The following TECTA variants were observed in gnomAD, a reference collection of about 807,000 sequenced individuals.
TECTA encodes alpha-tectorin.
A neutral mutation model predicts 216.8 loss-of-function variants in TECTA; 128 were observed. The ratio of observed to expected loss-of-function variants is 0.59; its 90% CI spans 0.51 to 0.68. The LOEUF (loss-of-function observed/expected upper bound fraction) is 0.68, where lower values mean the gene tolerates loss of function less well. TECTA is among the 30% of genes least tolerant of loss of function. TECTA has a pLI of 0.00. For missense variants in TECTA, 2,551 were observed against 2,786.2 expected (o/e 0.92, Z 1.90); for synonymous variants, 1,089 against 1,117.1 (o/e 0.97, Z 0.50).
intron 10 of TECTA, among the ~76,000 whole-genome samples, chr11:121,133,896 A>T (rs1448532386): frequency 6.6e-6 from 1 of 152,186 alleles, no homozygotes; most frequent in Non-Finnish European, 1.5e-5. Flanking sequence ...ATACTTTAAG[A>T]GTGTGCAAAT....
At chr11:121,122,572 ACACCTATAATCCCAG>A (rs1216073310) in intron 7 of TECTA, among the ~76,000 whole-genome samples, 2 of 150,214 alleles carry the variant, frequency 1.3e-5, no homozygotes, top group African/African-American at 4.9e-5. Context: ...ACGGCGTCTC[ACACCTATAATCCCAG>A]CACTTTTGGA....
At position 121,127,757 on chromosome 11, in the gene TECTA, A is replaced by G. The variant is rs772178943; in HGVS notation, c.1780A>G (p.Thr594Ala). Residue 594 changes from threonine to alanine, a missense_variant, in exon 9 of 24, where the codon ACA (threonine) becomes GCA (alanine). Thr to Ala is a moderately conservative substitution (Grantham distance 58). Transcript: ENST00000392793. This position sits in a 1 kb window ranked among gnomAD's most constrained non-coding sequence, Gnocchi z 5.0. ...DWRTQTGCVS[T>A]VQCPSFSHYS... is the part of the protein sequence containing the mutation. ...TCTTCCTTTCCCCGCGTCAGTGTCC[A>G]CAGTGCAGTGCCCGAGCTTCAGCCA... The G allele has an allele frequency of 1.9e-6, 3 of 1,614,024 alleles. No homozygotes were observed. The highest frequency in any genetic ancestry group is 1.6e-4 in the Middle Eastern group (1 of 6,062).
chr11:121,101,893 A>C (rs1276677992), intron 1 of TECTA, among the ~76,000 whole-genome samples: 1 of 152,214 alleles, frequency 6.6e-6, no homozygotes, highest in Admixed American at 6.5e-5. Context: ...ATGGAGGGTA[A>C]AGCCACCATG....
In TECTA at chr11:121,129,759, T is replaced by C. The variant is rs373140439; in HGVS notation, c.2489T>C (p.Ile830Thr). 1.2e-5 allele frequency: 20 copies of C among 1,614,160 alleles called. No individual in the cohort carries two copies. In the South Asian group the frequency reaches 1.4e-4, roughly 12 times the overall value. The change falls in exon 10 of 24, where the codon ATA (isoleucine) becomes ACA (threonine). Residue 830 changes from isoleucine to threonine, a missense_variant. Around this residue, in one of 3 missense-constraint regions of TECTA, gnomAD observed 2,375 missense variants for 2,563.9 expected, o/e 0.93. Coordinates refer to ENST00000392793, the MANE Select transcript of TECTA (RefSeq NM_005422.4). ...GTGGTGACTGTCCAGTACTCAGACATAGGTCTATTGTACATCCGGCTGTCC... is the reference window on the plus strand; with the variant it reads ...GTGGTGACTGTCCAGTACTCAGACACAGGTCTATTGTACATCCGGCTGTCC... ...KGVVTVQYSD[I>T]GLLYIRLSTT... is the part of the protein sequence containing the mutation.
At chr11:121,136,328 G>A (rs923541585) in intron 10 of TECTA, among the ~76,000 whole-genome samples, 1 of 152,156 alleles carries the variant, frequency 6.6e-6, no homozygotes, top group African/African-American at 2.4e-5. Context: ...CTTGAAGGAT[G>A]GGTGGGACTT....
rs201571492 is a variant in TECTA at position 121,118,528 on chromosome 11, T to C, written c.1013T>C (p.Phe338Ser). 6.2e-6 allele frequency: 10 copies of C among 1,614,180 alleles called. No homozygotes were observed. In the East Asian group the frequency reaches 2.0e-4, roughly 32 times the overall value. ...TACCACACTTTTGACGGCTTCCTCTTCCACTTCCAAGGCTCCTGTGCCTAC... is the reference window on the plus strand; with the variant it reads ...TACCACACTTTTGACGGCTTCCTCTCCCACTTCCAAGGCTCCTGTGCCTAC... Reference protein sequence around the residue: ...PHYHTFDGFLFHFQGSCAYLL... With the variant: ...PHYHTFDGFLSHFQGSCAYLL... The change falls in exon 7 of 24, where the codon TTC (phenylalanine) becomes TCC (serine). Residue 338 changes from phenylalanine to serine, a missense_variant. By Grantham distance (155) the Phe-to-Ser change is radical. This residue lies in a region of TECTA where 2,375 missense variants were observed against 2,563.9 expected (regional missense o/e 0.93). Coordinates refer to ENST00000392793, the MANE Select transcript of TECTA (RefSeq NM_005422.4).
At chr11:121,134,015 TATTA>T (rs1946700666) in intron 10 of TECTA, among the ~76,000 whole-genome samples, 1 of 152,232 alleles carries the variant, frequency 6.6e-6, no homozygotes, top group African/African-American at 2.4e-5. Flanking sequence ...ATCTTCCATG[TATTA>T]ATTATTTTTG....
intron 20 of TECTA, among the ~76,000 whole-genome samples, chr11:121,179,117 TCTA>T (rs1039089537): frequency 6.6e-6 from 1 of 152,082 alleles, no homozygotes; most frequent in Non-Finnish European, 1.5e-5. Context: ...TATTTTTCCT[TCTA>T]CTAATTTTGG....
chr11:121,118,400 GGAGGCTTCCTGTAGCCCCTAC>G lies in TECTA; in HGVS notation c.890_910del (p.Ala297_Glu303del). 1 of 1,614,182 alleles carries G rather than the reference GGAGGCTTCCTGTAGCCCCTAC, an allele frequency of 6.2e-7. No individual in the cohort carries two copies. Among genetic ancestry groups the G allele is most frequent in the Non-Finnish European group, 8.5e-7 (1 of 1,180,050 alleles). On this transcript the variant is annotated inframe_deletion, in exon 7 of 24. Transcript: ENST00000392793. ...ATTTCAACAATGAGATCTACTGCCA[GGAGGCTTCCTGTAGCCCCTAC>G]GAGGTGTGCGAACCCAAAGGCAAAT...
At chr11:121,119,149 C>T (rs548881759) in intron 7 of TECTA, among the ~76,000 whole-genome samples, 6 of 152,124 alleles carry the variant, frequency 3.9e-5, no homozygotes, top group Non-Finnish European at 8.8e-5. Flanking sequence ...ACCCCCAATT[C>T]ACTACAGCCT....
intron 11 of TECTA, among the ~76,000 whole-genome samples, chr11:121,142,702 C>G (rs1031141150): frequency 2.0e-5 from 3 of 152,132 alleles, no homozygotes; most frequent in Non-Finnish European, 2.9e-5. Flanking sequence ...TCTCCATGGC[C>G]TGATCTCACT....
intron 12 of TECTA, among the ~76,000 whole-genome samples, chr11:121,147,853 C>T (rs951363592): frequency 6.6e-6 from 1 of 152,164 alleles, no homozygotes; most frequent in African/African-American, 2.4e-5. Flanking sequence ...CCAACTGCAA[C>T]AAACAGGGAA....
chr11:121,121,904 G>A (rs1262627721), intron 7 of TECTA, among the ~76,000 whole-genome samples: 2 of 152,152 alleles, frequency 1.3e-5, no homozygotes, highest in Non-Finnish European at 2.9e-5. Context: ...ATGGATAAGT[G>A]TTCAGCACTC....
rs1017300729 is a variant in TECTA at position 121,162,184 on chromosome 11, G to A, written c.5086G>A (p.Asp1696Asn). ...TGATGGCTACTGCCTGAAGCTCACC[G>A]ACATGAAGGGCTTCTTCCAGCCCTG... ...QGDGYCLKLT[D>N]MKGFFQPCYG... Residue 1696 changes from aspartate (D) to asparagine (N), a missense_variant, in exon 16 of 24, where the codon GAC becomes AAC. By Grantham distance (23) the Asp-to-Asn change is conservative (BLOSUM62 1). Coordinates refer to ENST00000392793, the MANE Select transcript of TECTA (RefSeq NM_005422.4). 2.5e-6 allele frequency: 4 copies of A among 1,614,156 alleles called. No individual in the cohort carries two copies. The highest frequency in any genetic ancestry group is 1.3e-5 in the African/African-American group (1 of 75,056).
At position 121,128,053 on chromosome 11, in the gene TECTA, C is replaced by T; in HGVS notation, c.2076C>T (p.Ser692=). The change falls in exon 9 of 24, where the codon AGC becomes AGT. Residue 692 remains serine, a synonymous_variant. Coordinates refer to ENST00000392793, the MANE Select transcript of TECTA (RefSeq NM_005422.4). ...ACTGCTTCAACAAGACCTGCGGCAG[C>T]GGGGAGGTGTGCGCCGTGGAGGACG... is the stretch of plus-strand genomic sequence containing the variant. ...DVYCFNKTCG[S]GEVCAVEDGY... 1 of 1,612,450 alleles carries T rather than the reference C, an allele frequency of 6.2e-7. No homozygotes were observed. The highest frequency in any genetic ancestry group is 1.3e-5 in the African/African-American group (1 of 75,056).
chr11:121,129,818 G>T lies in TECTA; in HGVS notation c.2548G>T (p.Gly850Cys). Reference sequence around the variant, plus strand: ...CTTCAATTGCACAGGGGGCTTGTGCGGCTTCTACAATGCCAACGCCAGTGA... The same window carrying T: ...CTTCAATTGCACAGGGGGCTTGTGCTGCTTCTACAATGCCAACGCCAGTGA... The part of the protein sequence containing the change: ...TYFNCTGGLC[G>C]FYNANASDEF... The change falls in exon 10 of 24, where the codon GGC (glycine) becomes TGC (cysteine). Residue 850 changes from glycine (G) to cysteine (C), a missense_variant. This residue lies in a region of TECTA where 2,375 missense variants were observed against 2,563.9 expected (regional missense o/e 0.93). Coordinates refer to ENST00000392793, the MANE Select transcript of TECTA (RefSeq NM_005422.4). The T allele has an allele frequency of 6.2e-7, 1 of 1,614,156 alleles. No individual in the cohort carries two copies. The highest frequency in any genetic ancestry group is 1.7e-5 in the Admixed American group (1 of 60,014).
At chr11:121,174,528 C>G (rs1947145410) in intron 20 of TECTA, among the ~76,000 whole-genome samples, 2 of 152,062 alleles carry the variant, frequency 1.3e-5, no homozygotes, top group African/African-American at 4.8e-5. Flanking sequence ...GCCTTGCATC[C>G]CAGGGATGAA....
At chr11:121,135,648 T>A (rs1052074025) in intron 10 of TECTA, among the ~76,000 whole-genome samples, 1 of 152,236 alleles carries the variant, frequency 6.6e-6, no homozygotes, top group African/African-American at 2.4e-5. Flanking sequence ...TCGGTACTTG[T>A]GGGCAGAACT....
At chr11:121,143,854 C>T (rs1452876460) in intron 11 of TECTA, among the ~76,000 whole-genome samples, 1 of 152,176 alleles carries the variant, frequency 6.6e-6, no homozygotes, top group East Asian at 1.9e-4. Flanking sequence ...GGCTGTGGTC[C>T]AAGGTGCAGA....
Sources: gnomAD v4.1 joint callset for allele counts (sites outside exome capture counted in the v4.1 genomes callset) on GRCh38, gnomAD v4.1.1 for gene constraint, gnomAD v4.1.1 regional missense constraint, Gnocchi (gnomAD v3.1) non-coding constraint, MANE v1.5 for transcripts, NCBI Gene and HGNC (gene_info 2026-07-23, HGNC 2026-07-21) for gene names.